RUFY4: variants seen among roughly 807,000 people sequenced by gnomAD.
RUFY4 encodes the protein RUN and FYVE domain-containing protein 4.
RUFY4 carries 73 observed loss-of-function variants against 69.0 expected under a neutral mutation model. That is an observed-to-expected ratio of 1.06 (90% CI 0.88 to 1.29). The LOEUF (loss-of-function observed/expected upper bound fraction) is 1.29, where lower values mean the gene tolerates loss of function less well. Among genes scored for constraint, RUFY4 ranks in the 50% most tolerant of loss-of-function variants. RUFY4 has a pLI of 0.00. For synonymous variants in RUFY4, 287 were observed against 271.8 expected (o/e 1.06, Z -0.55); for missense variants, 770 against 705.6 (o/e 1.09, Z -1.03).
intron 2 of RUFY4, among the ~76,000 whole-genome samples, chr2:218,055,425 C>T (rs1303220803): frequency 3.3e-5 from 5 of 151,846 alleles, no homozygotes; most frequent in African/African-American, 1.2e-4. Flanking sequence ...ATCTAAGATG[C>T]AATCACTGTT....
intron 2 of RUFY4, among the ~76,000 whole-genome samples, chr2:218,049,805 G>A (rs750001705): frequency 3.0e-4 from 46 of 152,332 alleles, no homozygotes; most frequent in Middle Eastern, 3.4e-3. Context: ...ACCGTGCCCA[G>A]CTAGGTCCTT....
At position 218,089,932 on chromosome 2, in the gene RUFY4, T is replaced by C. The variant is rs1254624096; in HGVS notation, c.1614-20T>C. ...CCAGCTGCAGAGGCCGCCCCAGGCTTTCCTGCCTCTGCCTTCCAGGCTCTG... is the reference window on the plus strand; with the variant it reads ...CCAGCTGCAGAGGCCGCCCCAGGCTCTCCTGCCTCTGCCTTCCAGGCTCTG... On this transcript the variant is annotated intron_variant, in intron 10 of 10. Coordinates refer to ENST00000344321, the Ensembl canonical transcript of RUFY4. 17 of 1,543,474 alleles carry C rather than the reference T, an allele frequency of 1.1e-5. No individual in the cohort carries two copies. Among genetic ancestry groups the C allele is most frequent in the Non-Finnish European group, 1.5e-5 (17 of 1,139,288 alleles).
At chr2:218,062,226 C>A (rs572720786) in intron 3 of RUFY4, among the ~76,000 whole-genome samples, 4 of 151,910 alleles carry the variant, frequency 2.6e-5, no homozygotes, top group Admixed American at 2.6e-4. Flanking sequence ...GGTGAAACCC[C>A]GTCTCTACTA....
intron 8 of RUFY4, among the ~76,000 whole-genome samples, chr2:218,079,004 A>G (rs544543988): frequency 4.6e-5 from 7 of 152,252 alleles, no homozygotes; most frequent in Admixed American, 3.3e-4. Context: ...AGTAGCTGGG[A>G]TTACAGACAC....
At chr2:218,067,013 C>A (rs1689349972), upstream of RUFY4, among the ~76,000 whole-genome samples, 1 of 152,246 alleles carries the variant, frequency 6.6e-6, no homozygotes, top group Non-Finnish European at 1.5e-5. Flanking sequence ...CGAAATATTT[C>A]AACACGCTAA....
At position 218,090,441 on chromosome 2, in the gene RUFY4, G is replaced by A. The variant is rs531282127; in HGVS notation, c.*387G>A. ...GCGGTGCCCACCTTTCCTGATTCACGAGAAGTGAAGCCTGCACTATCTTGG... is the reference window on the plus strand; with the variant it reads ...GCGGTGCCCACCTTTCCTGATTCACAAGAAGTGAAGCCTGCACTATCTTGG... On this transcript the variant is annotated 3_prime_UTR_variant, in exon 11 of 11. Coordinates refer to ENST00000344321, the Ensembl canonical transcript of RUFY4. 3.4e-5 allele frequency: 8 copies of A among 234,838 alleles called. No individual in the cohort carries two copies. In the East Asian group the frequency reaches 4.6e-4, roughly 14 times the overall value. 14.5% of individuals were successfully genotyped at this position (234,838 alleles called of 1,614,324 possible).
intron 1 of RUFY4, 35 bp from the exon 4 acceptor site, chr2:218,070,718 C>T: frequency 1.3e-6 from 2 of 1,535,026 alleles, no homozygotes; most frequent in African/African-American, 1.4e-5. Context: ...GGAGCCCCTC[C>T]CTCAGCGACC....
chr2:218,049,699 G>A, intron 2 of RUFY4, among the ~76,000 whole-genome samples: 1 of 151,876 alleles, frequency 6.6e-6, no homozygotes, highest in Non-Finnish European at 1.5e-5. Context: ...GTAGTGACGG[G>A]GTTTCTCCCT....
At position 218,082,410 on chromosome 2, in the gene RUFY4, AAC is replaced by A. The variant is rs201008276; in HGVS notation, c.1356-695_1356-694del. ...CCTCCAGAGAGCTGCCATGATGGTG[AAC>A]ACACCTTTCAAGAAAGTTACATCTT... On this transcript the variant is annotated intron_variant, in intron 8 of 10. Transcript: ENST00000344321. Among the ~76,000 whole-genome samples, 11 of 152,258 alleles carry A rather than the reference AAC, an allele frequency of 7.2e-5. No homozygotes were observed. The East Asian group carries it at 1.9e-3, about 27-fold the overall frequency.
intron 2 of RUFY4, among the ~76,000 whole-genome samples, chr2:218,048,017 A>G (rs185611596): frequency 1.2e-3 from 182 of 152,294 alleles, no homozygotes; most frequent in African/African-American, 4.3e-3. Context: ...TTCTGCTTTC[A>G]GGTCTTCAAG....
At chr2:218,083,763 A>G (rs1689825808) in intron 9 of RUFY4, among the ~76,000 whole-genome samples, 1 of 151,426 alleles carries the variant, frequency 6.6e-6, no homozygotes. Context: ...AAAAAGGCAG[A>G]CTTAGTCATC....
At chr2:218,072,602 T>C (rs984201790) in intron 3 of RUFY4, 103 bp downstream of exon 5, 27 of 1,450,992 alleles carry the variant, frequency 1.9e-5, no homozygotes, top group East Asian at 2.5e-5. Context: ...CCTCACCTGC[T>C]CTGCATGTCT....
chr2:218,072,403 G>A (rs1689509535), exon 3 of RUFY4: 9 of 1,537,378 alleles, frequency 5.9e-6, no homozygotes, highest in Non-Finnish European at 6.1e-6. Context: ...AGAGCTTCCT[G>A]GGGCCTCGGA....
chr2:218,053,555 G>C (rs558610177), intron 2 of RUFY4, among the ~76,000 whole-genome samples: 1 of 152,004 alleles, frequency 6.6e-6, no homozygotes, highest in Admixed American at 6.5e-5. Context: ...TGTCGCCCAG[G>C]CTGGAGTGCA....
intron 2 of RUFY4, among the ~76,000 whole-genome samples, chr2:218,056,103 CA>C (rs1411229244): frequency 1.3e-5 from 2 of 152,206 alleles, no homozygotes; most frequent in Admixed American, 6.5e-5. Flanking sequence ...TCAGCTCACT[CA>C]CGGAATGCTA....
At chr2:218,049,935 G>C (rs1174136814) in intron 2 of RUFY4, among the ~76,000 whole-genome samples, 2 of 152,134 alleles carry the variant, frequency 1.3e-5, no homozygotes, top group Non-Finnish European at 2.9e-5. Context: ...AGTCAGACAG[G>C]GATGGGTCCC....
At chr2:218,054,164 A>G (rs1191309729) in intron 2 of RUFY4, among the ~76,000 whole-genome samples, 1 of 152,214 alleles carries the variant, frequency 6.6e-6, no homozygotes, top group Non-Finnish European at 1.5e-5. Context: ...CTAAGTTTTT[A>G]TCATCTACTG....
At chr2:218,063,640 T>C (rs1184171395) in intron 3 of RUFY4, among the ~76,000 whole-genome samples, 1 of 152,048 alleles carries the variant, frequency 6.6e-6, no homozygotes, top group Admixed American at 6.5e-5. Context: ...CCAAGAGGAA[T>C]AGGAAGAACC....
chr2:218,060,684 C>T, intron 3 of RUFY4: 1 of 1,331,002 alleles, frequency 7.5e-7, no homozygotes, highest in Non-Finnish European at 1.1e-6. Context: ...TGGTCCAGTG[C>T]TTCTGCCCCA....
Sources: allele counts gnomAD v4.1 joint callset (sites outside exome capture counted in the v4.1 genomes callset), GRCh38; gene constraint gnomAD v4.1.1; transcripts MANE v1.5; gene names NCBI Gene and HGNC (gene_info 2026-07-23, HGNC 2026-07-21).